Variants in SNX9 observed in about 807,000 individuals in gnomAD.
SNX9 encodes the protein sorting nexin 9, also known as sorting nexin-9.
SNX9 carries 44 observed loss-of-function variants against 89.4 expected under a neutral mutation model. The observed-to-expected ratio is 0.49, with a 90% CI of 0.39 to 0.63. The LOEUF is 0.63. Among genes scored for constraint, SNX9 ranks in the 30% least tolerant of loss-of-function variants. SNX9 has a pLI of 0.00. For missense variants in SNX9, 578 were observed against 736.1 expected, an observed-to-expected ratio of 0.79 and a Z score of 2.49; for synonymous variants, 236 against 247.8, an observed-to-expected ratio of 0.95 and a Z score of 0.45.
intron 1 of SNX9, among the ~76,000 whole-genome samples, chr6:157,838,054 C>G (rs1317693877): frequency 2.0e-5 from 3 of 152,134 alleles, no homozygotes; most frequent in Non-Finnish European, 4.4e-5. Context: ...AGAACCTCAC[C>G]CTGTTGCCCA....
intron 4 of SNX9, among the ~76,000 whole-genome samples, chr6:157,894,943 GA>G (rs1403911821): frequency 1.4e-3 from 216 of 152,310 alleles, no homozygotes; most frequent in African/African-American, 5.0e-3. Context: ...TACAGACTGG[GA>G]AGAGACCTTC....
intron 7 of SNX9, among the ~76,000 whole-genome samples, chr6:157,907,360 C>T (rs1583229940): frequency 1.3e-5 from 2 of 152,164 alleles, no homozygotes; most frequent in East Asian, 3.9e-4. Context: ...TGGCTCACTG[C>T]AACCTCTGCC....
At chr6:157,834,156 T>TTG (rs1781531014) in intron 1 of SNX9, among the ~76,000 whole-genome samples, 3 of 71,990 alleles carry the variant, frequency 4.2e-5, no homozygotes, top group Non-Finnish European at 8.6e-5. Context: ...TGTGGTTTTT[T>TTG]TTTTTTTTTT....
intron 14 of SNX9, among the ~76,000 whole-genome samples, chr6:157,936,516 A>G (rs1783928931): frequency 6.6e-6 from 1 of 152,204 alleles, no homozygotes; most frequent in Admixed American, 6.5e-5. Flanking sequence ...CTCAGAAGAA[A>G]AAAAGACATC....
chr6:157,929,635 A>G (rs997359504), intron 12 of SNX9, among the ~76,000 whole-genome samples: 1 of 152,236 alleles, frequency 6.6e-6, no homozygotes, highest in Non-Finnish European at 1.5e-5. Context: ...ATTTTGAATT[A>G]TGAGTAACAT....
chr6:157,933,732 G>A (rs982018633), intron 13 of SNX9, among the ~76,000 whole-genome samples: 3 of 152,186 alleles, frequency 2.0e-5, no homozygotes, highest in African/African-American at 7.2e-5. Flanking sequence ...TCTCAACAGG[G>A]TGAGAAGATT....
At chr6:157,845,632 G>C (rs1234654179) in intron 1 of SNX9, among the ~76,000 whole-genome samples, 4 of 152,176 alleles carry the variant, frequency 2.6e-5, no homozygotes, top group African/African-American at 9.7e-5. Flanking sequence ...GTATACTAGA[G>C]AGTATCCTGC....
chr6:157,885,453 A>G (rs1782713967), intron 4 of SNX9: 1 of 152,218 alleles, frequency 6.6e-6, no homozygotes, highest in African/African-American at 2.4e-5. Context: ...AAGTGGTTAG[A>G]TTTTTTTATA....
chr6:157,839,508 A>C (rs1369216766), intron 1 of SNX9, among the ~76,000 whole-genome samples: 2 of 152,230 alleles, frequency 1.3e-5, no homozygotes, highest in Non-Finnish European at 2.9e-5. Flanking sequence ...TTACTGCTTC[A>C]CTTTCCTTAT....
chr6:157,891,535 A>T (rs1459102549), intron 4 of SNX9, among the ~76,000 whole-genome samples: 1 of 152,190 alleles, frequency 6.6e-6, no homozygotes, highest in Non-Finnish European at 1.5e-5. Context: ...ACAAAGAGTA[A>T]GATATATTTC....
At chr6:157,882,532 A>C (rs1782648651) in intron 4 of SNX9, among the ~76,000 whole-genome samples, 3 of 152,228 alleles carry the variant, frequency 2.0e-5, no homozygotes, top group Non-Finnish European at 4.4e-5. Flanking sequence ...AAGTACATCG[A>C]AAACCTTCTG....
At chr6:157,855,480 C>T (rs916663012) in intron 1 of SNX9, among the ~76,000 whole-genome samples, 6 of 152,152 alleles carry the variant, frequency 3.9e-5, no homozygotes, top group Admixed American at 3.3e-4. Flanking sequence ...TCTGTTAGCG[C>T]GATGTAAGGA....
At chr6:157,893,224 G>C (rs1465878047) in intron 4 of SNX9, among the ~76,000 whole-genome samples, 8 of 152,202 alleles carry the variant, frequency 5.3e-5, no homozygotes, top group Non-Finnish European at 8.8e-5. Flanking sequence ...TTCATTTCCA[G>C]CGTCCACTGG....
At chr6:157,876,197 C>T (rs185167321) in intron 4 of SNX9, among the ~76,000 whole-genome samples, 18 of 151,260 alleles carry the variant, frequency 1.2e-4, no homozygotes, top group Admixed American at 1.2e-3. Context: ...GCCTGTAATC[C>T]CACCAGCACT....
At chr6:157,898,323 G>T (rs1458368119) in intron 5 of SNX9, among the ~76,000 whole-genome samples, 4 of 152,208 alleles carry the variant, frequency 2.6e-5, no homozygotes, top group African/African-American at 7.2e-5. Flanking sequence ...GGTTGGTAAA[G>T]TAAAAGCAGA....
chr6:157,836,597 CTT>C (rs781102121), intron 1 of SNX9, among the ~76,000 whole-genome samples: 19 of 143,938 alleles, frequency 1.3e-4, no homozygotes, highest in Admixed American at 2.1e-4. Flanking sequence ...TCTTTTCTTT[CTT>C]TTTTTTTTTT....
chr6:157,893,882 A>G (rs1782915124), intron 4 of SNX9, among the ~76,000 whole-genome samples: 1 of 152,124 alleles, frequency 6.6e-6, no homozygotes, highest in Admixed American at 6.5e-5. Context: ...ATGTTATGCT[A>G]AAGTATTGAT....
intron 1 of SNX9, among the ~76,000 whole-genome samples, chr6:157,851,244 C>A (rs376745846): frequency 1.2e-4 from 16 of 134,948 alleles, no homozygotes; most frequent in South Asian, 2.3e-4. Flanking sequence ...GGTGACAGAG[C>A]AAGATGGTCT....
intron 1 of SNX9, among the ~76,000 whole-genome samples, chr6:157,836,518 C>T (rs552203080): frequency 9.2e-5 from 14 of 152,010 alleles, no homozygotes; most frequent in South Asian, 4.2e-4. Flanking sequence ...GTCACCAACC[C>T]GGGGAGCTTG....
Sources: allele counts gnomAD v4.1 joint callset (sites outside exome capture counted in the v4.1 genomes callset), GRCh38; gene constraint gnomAD v4.1.1; transcripts MANE v1.5; gene names NCBI Gene and HGNC (gene_info 2026-07-23, HGNC 2026-07-21).